The following ERCC8 variants were observed in gnomAD, a reference collection of about 807,000 sequenced individuals.
ERCC8 encodes the protein DNA excision repair protein ERCC-8.
Under a neutral mutation model 54.9 loss-of-function variants are expected in ERCC8, and 52 were observed. The ratio of observed to expected loss-of-function variants is 0.95; its 90% CI spans 0.76 to 1.19. ERCC8 has a LOEUF of 1.19. Among genes scored for constraint, ERCC8 ranks in the 50% most tolerant of loss-of-function variants. The pLI, the probability that ERCC8 is intolerant of heterozygous loss-of-function variation, is 0.00. For synonymous variants in ERCC8, 146 were observed against 157.2 expected (o/e 0.93, Z 0.53); for missense variants, 514 against 466.1 (o/e 1.10, Z -0.95).
intron 9 of ERCC8, among the ~76,000 whole-genome samples, chr5:60,897,009 C>T (rs1193499871): frequency 1.3e-5 from 2 of 152,164 alleles, no homozygotes; most frequent in Admixed American, 6.5e-5. Context: ...TATGATCTGG[C>T]ACCCTAGTTC....
At chr5:60,897,419 ACTG>A (rs1301916748) in intron 9 of ERCC8, among the ~76,000 whole-genome samples, 1 of 152,218 alleles carries the variant, frequency 6.6e-6, no homozygotes, top group Admixed American at 6.5e-5. Context: ...TGTTTTGCCA[ACTG>A]CTGTCTAATA....
intron 5 of ERCC8, 96 bp downstream of exon 5, chr5:60,904,696 T>G (rs541116187): frequency 5.2e-6 from 2 of 383,698 alleles, no homozygotes; most frequent in Non-Finnish European, 9.9e-6. Flanking sequence ...AATTGTGATA[T>G]TCCTCTGGGT....
chr5:60,933,333 C>T (rs1267234616), intron 1 of ERCC8, among the ~76,000 whole-genome samples: 1 of 149,952 alleles, frequency 6.7e-6, no homozygotes, highest in East Asian at 2.0e-4. Context: ...ATTCTCCTGC[C>T]TCAGCCACCT....
intron 3 of ERCC8, 111 bp downstream of exon 3, chr5:60,921,943 G>A: frequency 1.5e-6 from 1 of 675,120 alleles, no homozygotes; most frequent in East Asian, 2.8e-5. Flanking sequence ...TGTGTTATGT[G>A]AACCATTCGC....
At chr5:60,912,576 C>G (rs751974161) in intron 4 of ERCC8, among the ~76,000 whole-genome samples, 11 of 152,012 alleles carry the variant, frequency 7.2e-5, no homozygotes, top group Admixed American at 2.0e-4. Flanking sequence ...AATTGAATAC[C>G]CTTTATCTCT....
rs187149515 is a variant in ERCC8, at chr5:60,870,028, C to A, written c.*4587G>T. Among the ~76,000 whole-genome samples, 23 of 152,200 alleles carry A rather than the reference C, an allele frequency of 1.5e-4. No homozygotes were observed. In the East Asian group the frequency reaches 2.5e-3, roughly 17 times the overall value. The stretch of plus-strand genomic sequence containing the variant: ...GGTTGACAAATACCAGTTGAATAAA[C>A]AATTATTAAAAAGTTTCAAGTGGAA... On this transcript the variant is annotated 3_prime_UTR_variant, in exon 12 of 12. Transcript: ENST00000676185.
intron 4 of ERCC8, among the ~76,000 whole-genome samples, chr5:60,910,276 G>C: frequency 6.6e-6 from 1 of 152,062 alleles, no homozygotes; most frequent in South Asian, 2.1e-4. Flanking sequence ...ATATCACATT[G>C]CCTTCACTAG....
At chr5:60,933,730 A>G (rs1042446823) in intron 1 of ERCC8, among the ~76,000 whole-genome samples, 1 of 151,808 alleles carries the variant, frequency 6.6e-6, no homozygotes, top group African/African-American at 2.4e-5. Context: ...CCCCACTTCC[A>G]CCCTTTCCCC....
intron 1 of ERCC8, among the ~76,000 whole-genome samples, chr5:60,931,681 CT>C (rs369930804): frequency 2.3e-4 from 35 of 151,542 alleles, no homozygotes; most frequent in African/African-American, 6.8e-4. Flanking sequence ...TTCATCAAAA[CT>C]TTTTTTTTCA....
At chr5:60,880,495 G>C (rs1748177179) in intron 11 of ERCC8, among the ~76,000 whole-genome samples, 1 of 152,132 alleles carries the variant, frequency 6.6e-6, no homozygotes, top group South Asian at 2.1e-4. Flanking sequence ...GTCACTTTCA[G>C]GTACACCAAT....
intron 11 of ERCC8, among the ~76,000 whole-genome samples, chr5:60,886,967 T>C (rs1326786702): frequency 6.6e-6 from 1 of 152,074 alleles, no homozygotes; most frequent in Non-Finnish European, 1.5e-5. Flanking sequence ...ACATAGTTAT[T>C]AATGACATGA....
At chr5:60,887,847 G>A (rs4647127) in intron 10 of ERCC8, among the ~76,000 whole-genome samples, 9,665 of 152,188 alleles carry the variant, frequency 0.064, 1,013 homozygotes, top group African/African-American at 0.22. Flanking sequence ...GTCTTTCTGT[G>A]TCCAAATAAC....
intron 11 of ERCC8, among the ~76,000 whole-genome samples, chr5:60,880,761 T>C (rs1748188443): frequency 6.6e-6 from 1 of 152,182 alleles, no homozygotes. Context: ...TAGTTAGCCA[T>C]TTGTCTAATT....
intron 11 of ERCC8, among the ~76,000 whole-genome samples, chr5:60,875,225 T>G (rs1747962871): frequency 6.6e-6 from 1 of 152,226 alleles, no homozygotes; most frequent in Non-Finnish European, 1.5e-5. Flanking sequence ...TATTAAGTAG[T>G]GATATTTATG....
intron 4 of ERCC8, among the ~76,000 whole-genome samples, chr5:60,906,628 C>G (rs1457370823): frequency 1.3e-5 from 2 of 151,956 alleles, no homozygotes; most frequent in Non-Finnish European, 2.9e-5. Context: ...ATATGAGAGG[C>G]TGAGGCAGGA....
At chr5:60,892,721 GC>G in intron 9 of ERCC8, 1 of 692,924 alleles carries the variant, frequency 1.4e-6, no homozygotes. Context: ...GCAGGATGGT[GC>G]CCACCTCTGA....
At chr5:60,907,924 T>C (rs1749127723) in intron 4 of ERCC8, among the ~76,000 whole-genome samples, 1 of 152,206 alleles carries the variant, frequency 6.6e-6, no homozygotes, top group South Asian at 2.1e-4. Flanking sequence ...ATTACCAATA[T>C]GTTCCTCATC....
chr5:60,893,176 C>G, intron 9 of ERCC8: 1 of 948,442 alleles, frequency 1.1e-6, no homozygotes, highest in Non-Finnish European at 1.7e-6. Context: ...TCTCTGGCAT[C>G]CAGGACTTCC....
intron 8 of ERCC8, among the ~76,000 whole-genome samples, chr5:60,899,088 T>C (rs1232602186): frequency 6.6e-6 from 1 of 151,470 alleles, no homozygotes; most frequent in Non-Finnish European, 1.5e-5. Context: ...ACTATAGTTG[T>C]TAAGAAATTA....
Sources: allele counts gnomAD v4.1 joint callset (sites outside exome capture counted in the v4.1 genomes callset), GRCh38; gene constraint gnomAD v4.1.1; transcripts MANE v1.5; gene names NCBI Gene and HGNC (gene_info 2026-07-23, HGNC 2026-07-21).